GALNT14: variants seen among roughly 807,000 people sequenced by gnomAD.
GALNT14 encodes polypeptide N-acetylgalactosaminyltransferase 14, also known as UDP-GalNAc:polypeptide N-acetylgalactosaminyltransferase 14.
GALNT14 carries 60 observed loss-of-function variants against 77.5 expected under a neutral mutation model. That is an observed-to-expected ratio of 0.77 (90% CI 0.63 to 0.96). The LOEUF (loss-of-function observed/expected upper bound fraction) is 0.96. GALNT14 is among the 40% of genes least tolerant of loss of function. The probability of loss-of-function intolerance (pLI) is 0.00; values close to 1 mark genes in which losing one functional copy is unlikely to be tolerated. For synonymous variants in GALNT14, 280 were observed against 281.7 expected (o/e 0.99, Z 0.06); for missense variants, 710 against 731.0 (o/e 0.97, Z 0.33).
intron 6 of GALNT14, among the ~76,000 whole-genome samples, chr2:30,947,327 G>A (rs1319815940): frequency 6.6e-6 from 1 of 152,134 alleles, no homozygotes; most frequent in African/African-American, 2.4e-5. Context: ...ATCAAGAACA[G>A]GCCTATCTCT....
chr2:31,024,865 C>T (rs147345521), intron 1 of GALNT14, among the ~76,000 whole-genome samples: 238 of 152,240 alleles, frequency 1.6e-3, no homozygotes, highest in African/African-American at 5.4e-3. Context: ...TGACCCCACA[C>T]GGCAGGGCTC....
At chr2:30,958,795 A>G (rs1022061097) in intron 3 of GALNT14, among the ~76,000 whole-genome samples, 4 of 152,074 alleles carry the variant, frequency 2.6e-5, no homozygotes, top group African/African-American at 9.7e-5. Flanking sequence ...TTCACTTCTT[A>G]TATCTCTCCC....
At chr2:31,070,239 G>C (rs975598773) in intron 1 of GALNT14, among the ~76,000 whole-genome samples, 10 of 152,144 alleles carry the variant, frequency 6.6e-5, no homozygotes, top group Non-Finnish European at 2.9e-5. Flanking sequence ...CCTAAGTTCA[G>C]TCAGGACCTG....
At chr2:31,048,043 T>G (rs1160717882) in intron 1 of GALNT14, among the ~76,000 whole-genome samples, 5 of 152,230 alleles carry the variant, frequency 3.3e-5, no homozygotes, top group Admixed American at 2.6e-4. Flanking sequence ...TAAAACATTT[T>G]AATCCAAAGC....
chr2:31,049,849 A>G (rs906653985), intron 1 of GALNT14, among the ~76,000 whole-genome samples: 11 of 152,192 alleles, frequency 7.2e-5, no homozygotes, highest in Non-Finnish European at 1.5e-4. Flanking sequence ...CATTAAAACA[A>G]TTTACAGCAG....
the GALNT14 span, among the ~76,000 whole-genome samples, chr2:30,893,057 T>C: frequency 6.6e-6 from 1 of 152,112 alleles, no homozygotes; most frequent in Non-Finnish European, 1.5e-5. Context: ...GAAATGTACA[T>C]GAGAATGTTG....
intron 1 of GALNT14, among the ~76,000 whole-genome samples, chr2:31,115,577 C>A (rs568443193): frequency 8.5e-5 from 13 of 152,186 alleles, no homozygotes; most frequent in East Asian, 1.9e-4. Flanking sequence ...AATAAGAATA[C>A]CTGAAAAAGA....
intron 1 of GALNT14, among the ~76,000 whole-genome samples, chr2:31,063,752 T>C (rs1674754173): frequency 6.6e-6 from 1 of 152,184 alleles, no homozygotes; most frequent in South Asian, 2.1e-4. Flanking sequence ...GGTTTGTAGT[T>C]CTCCTTGAAG....
At position 30,912,396 on chromosome 2, in the gene GALNT14, G is replaced by A. The variant is rs199753172; in HGVS notation, c.1381-54C>T. On this transcript the variant is annotated intron_variant, in intron 13 of 14. Transcript: ENST00000349752. ...TTCAGGATCCAGGAAGCCACCACTC[G>A]TGGGATACAACCACACTTACGGGTG... 2.1e-4 allele frequency: 331 copies of A among 1,601,928 alleles called. No homozygotes were observed. In the African/African-American group the frequency reaches 2.5e-3, roughly 12 times the overall value.
intron 1 of GALNT14, among the ~76,000 whole-genome samples, chr2:31,109,611 G>C (rs747115434): frequency 1.3e-5 from 2 of 152,204 alleles, no homozygotes; most frequent in African/African-American, 2.4e-5. Context: ...CACTCACACA[G>C]GAACTGGCCC....
At chr2:30,901,493 T>C in the GALNT14 span, among the ~76,000 whole-genome samples, 1 of 144,578 alleles carries the variant, frequency 6.9e-6, no homozygotes, top group East Asian at 2.0e-4. Flanking sequence ...ACAACATATA[T>C]ATAATAAATA....
intron 1 of GALNT14, among the ~76,000 whole-genome samples, chr2:31,045,337 T>C (rs558123494): frequency 1.3e-5 from 2 of 152,312 alleles, no homozygotes; most frequent in East Asian, 3.9e-4. Context: ...ATCCACACAC[T>C]GAGGTGTCCA....
intron 1 of GALNT14, among the ~76,000 whole-genome samples, chr2:31,079,469 G>C (rs1676021434): frequency 2.6e-5 from 4 of 152,176 alleles, no homozygotes; most frequent in Non-Finnish European, 5.9e-5. Flanking sequence ...GGAGATCAAG[G>C]CCCTGTGTTT....
At chr2:31,042,871 AGTTAGAAT>A (rs1159533650) in intron 1 of GALNT14, among the ~76,000 whole-genome samples, 1 of 152,190 alleles carries the variant, frequency 6.6e-6, no homozygotes, top group African/African-American at 2.4e-5. Flanking sequence ...GCAATACAAC[AGTTAGAAT>A]GGTCCTTTCT....
the GALNT14 span, among the ~76,000 whole-genome samples, chr2:30,901,380 CCAT>C: frequency 1.8e-3 from 275 of 152,210 alleles, no homozygotes; most frequent in African/African-American, 6.3e-3. Flanking sequence ...CTCAACACCA[CCAT>C]GACTTCAACT....
chr2:30,946,685 C>T (rs536150913), intron 6 of GALNT14, among the ~76,000 whole-genome samples: 4 of 152,176 alleles, frequency 2.6e-5, no homozygotes, highest in African/African-American at 9.7e-5. Context: ...TGGACTGATA[C>T]AGCTGGGAAG....
intron 1 of GALNT14, among the ~76,000 whole-genome samples, chr2:31,004,165 G>A (rs12991678): frequency 0.23 from 35,415 of 152,112 alleles, 4,378 homozygotes; most frequent in East Asian, 0.36. Flanking sequence ...AGACCAGAGC[G>A]GCAAGCTGGT....
chr2:30,946,350 G>A (rs1217374000), intron 6 of GALNT14, among the ~76,000 whole-genome samples: 2 of 152,192 alleles, frequency 1.3e-5, no homozygotes, highest in East Asian at 1.9e-4. Context: ...TGGATCATAA[G>A]GGTGGATTTC....
intron 1 of GALNT14, among the ~76,000 whole-genome samples, chr2:31,082,006 G>C (rs1676179428): frequency 6.6e-6 from 1 of 152,168 alleles, no homozygotes; most frequent in South Asian, 2.1e-4. Flanking sequence ...GATATAAAAA[G>C]AGTTGTGTTG....
Sources: gnomAD v4.1 joint callset for allele counts (sites outside exome capture counted in the v4.1 genomes callset) on GRCh38, gnomAD v4.1.1 for gene constraint, MANE v1.5 for transcripts, NCBI Gene and HGNC (gene_info 2026-07-23, HGNC 2026-07-21) for gene names.